Variants in TSNARE1 observed in about 807,000 individuals in gnomAD.
TSNARE1 encodes t-SNARE domain-containing protein 1.
TSNARE1 carries 49 observed loss-of-function variants against 62.0 expected under a neutral mutation model. The ratio of observed to expected loss-of-function variants is 0.79; its 90% CI spans 0.63 to 1.00. The LOEUF is 1.00. TSNARE1 is among the 50% of genes least tolerant of loss of function. The pLI is 0.00. For synonymous variants in TSNARE1, 328 were observed against 294.4 expected (o/e 1.11, Z -1.17); for missense variants, 755 against 700.1 (o/e 1.08, Z -0.88).
rs761228615 is a variant in TSNARE1, at chr8:142,229,457, T to C, written c.*11+16A>G. 7 of 1,595,110 alleles carry C rather than the reference T, an allele frequency of 4.4e-6. No homozygotes were observed. The East Asian group carries it at 6.7e-5, about 15-fold the overall frequency. On this transcript the variant is annotated intron_variant, in intron 13 of 13. Coordinates refer to ENST00000524325, the MANE Select transcript of TSNARE1 (RefSeq NM_145003.5). ...TGCAGATGAATGGATGGTGTACGGGTAGGTGGGGTACTCACCACGGGTAGC... is the reference window on the plus strand; with the variant it reads ...TGCAGATGAATGGATGGTGTACGGGCAGGTGGGGTACTCACCACGGGTAGC...
At chr8:142,302,943 G>A (rs748576445) in intron 9 of TSNARE1, among the ~76,000 whole-genome samples, 2 of 151,962 alleles carry the variant, frequency 1.3e-5, no homozygotes, top group African/African-American at 4.8e-5. Context: ...AGGATCCTCC[G>A]TCAGCACTAA....
chr8:142,314,070 C>T (rs771047825), intron 9 of TSNARE1, among the ~76,000 whole-genome samples: 14 of 152,244 alleles, frequency 9.2e-5, no homozygotes, highest in African/African-American at 1.9e-4. Context: ...TGAGCCACCG[C>T]GCCCGGCCAC....
intron 9 of TSNARE1, among the ~76,000 whole-genome samples, chr8:142,305,702 A>G (rs1826555381): frequency 6.6e-6 from 1 of 152,152 alleles, no homozygotes; most frequent in South Asian, 2.1e-4. Flanking sequence ...TTGGGTCTTG[A>G]GCTCCGAGGC....
intron 1 of TSNARE1, among the ~76,000 whole-genome samples, chr8:142,395,774 G>A (rs1427464627): frequency 6.6e-6 from 1 of 152,202 alleles, no homozygotes; most frequent in African/African-American, 2.4e-5. Flanking sequence ...CAGCGGGAAG[G>A]AGGTCAGACT....
chr8:142,240,368 CT>C (rs1227451548), intron 12 of TSNARE1, among the ~76,000 whole-genome samples: 1 of 148,296 alleles, frequency 6.7e-6, no homozygotes, highest in Admixed American at 6.7e-5. Context: ...TATAAAGCTA[CT>C]GGGAGAAATT....
intron 12 of TSNARE1, among the ~76,000 whole-genome samples, chr8:142,266,363 A>T (rs1819130779): frequency 6.6e-6 from 1 of 152,228 alleles, no homozygotes; most frequent in Non-Finnish European, 1.5e-5. Context: ...CTGGGATTCC[A>T]GTCCTTCACC....
At chr8:142,348,398 G>C (rs555238592) in intron 2 of TSNARE1, among the ~76,000 whole-genome samples, 33 of 152,268 alleles carry the variant, frequency 2.2e-4, no homozygotes, top group Admixed American at 9.8e-4. Flanking sequence ...GAACACCTCT[G>C]CCCGTGTGTC....
At chr8:142,237,855 G>T (rs1055138729) in intron 12 of TSNARE1, among the ~76,000 whole-genome samples, 2 of 152,130 alleles carry the variant, frequency 1.3e-5, no homozygotes, top group South Asian at 2.1e-4. Flanking sequence ...CACCAGCCCC[G>T]CAGGGTGGCT....
At chr8:142,331,666 A>C in intron 5 of TSNARE1, 88 bp downstream of exon 5, 2 of 1,296,106 alleles carry the variant, frequency 1.5e-6, no homozygotes, top group South Asian at 1.3e-5. Context: ...TGAGGGGGGA[A>C]GCCATCCAGC....
chr8:142,216,408 G>C (rs1483656734), intron 13 of TSNARE1, among the ~76,000 whole-genome samples: 5 of 152,198 alleles, frequency 3.3e-5, no homozygotes, highest in Non-Finnish European at 5.9e-5. Context: ...TAATCACTGG[G>C]ACTTGAGGAG....
chr8:142,280,246 C>T, intron 11 of TSNARE1: 1 of 985,350 alleles, frequency 1.0e-6, no homozygotes, highest in Non-Finnish European at 1.2e-6. Flanking sequence ...GGAGCCCGGC[C>T]CGGCACCCAG....
At chr8:142,276,347 T>C (rs1820492166) in intron 11 of TSNARE1, 2 of 985,318 alleles carry the variant, frequency 2.0e-6, no homozygotes, top group South Asian at 4.7e-5. Flanking sequence ...GGAAGGAAGA[T>C]GGGGCCAGAG....
intron 12 of TSNARE1, among the ~76,000 whole-genome samples, chr8:142,262,595 C>T (rs113331901): frequency 1.6e-4 from 25 of 152,182 alleles, no homozygotes; most frequent in African/African-American, 5.3e-4. Context: ...CGGTTTCTCA[C>T]GGTTTAATGC....
At position 142,295,906 on chromosome 8, in the gene TSNARE1, C is replaced by A. The variant is rs139557339; in HGVS notation, c.1290+4580G>T. 1.3e-5 allele frequency among the ~76,000 whole-genome samples: 2 copies of A among 149,744 alleles called. 1 individual carries two copies. The highest frequency in any genetic ancestry group is 6.9e-3 in the Middle Eastern group (2 of 290). ...GATGAGATGCTACCTGTGGGACCTG[C>A]GTCCATCCTGGGTGCCGGCAGTGAG... On this transcript the variant is annotated intron_variant, in intron 10 of 13. Coordinates refer to ENST00000524325, the MANE Select transcript of TSNARE1 (RefSeq NM_145003.5).
chr8:142,379,168 G>A (rs1012541309), intron 1 of TSNARE1, among the ~76,000 whole-genome samples: 3 of 152,216 alleles, frequency 2.0e-5, no homozygotes, highest in Non-Finnish European at 1.5e-5. Flanking sequence ...CAGCAGATGC[G>A]GCCTCAAATG....
At chr8:142,238,462 A>G (rs1817540322) in intron 12 of TSNARE1, among the ~76,000 whole-genome samples, 1 of 152,206 alleles carries the variant, frequency 6.6e-6, no homozygotes, top group South Asian at 2.1e-4. Flanking sequence ...AGGGAGACAC[A>G]TTCGACAGAC....
chr8:142,240,244 T>C (rs1383714526), intron 12 of TSNARE1, among the ~76,000 whole-genome samples: 1 of 152,260 alleles, frequency 6.6e-6, no homozygotes, highest in Non-Finnish European at 1.5e-5. Flanking sequence ...AAGCATTATG[T>C]GGCATCAGAA....
chr8:142,255,211 C>T (rs1005875405), intron 12 of TSNARE1, among the ~76,000 whole-genome samples: 1 of 151,942 alleles, frequency 6.6e-6, no homozygotes, highest in African/African-American at 2.4e-5. Flanking sequence ...TTTCTTTATC[C>T]CATTCTCCCA....
At chr8:142,327,274 A>C (rs1830404933) in intron 6 of TSNARE1, among the ~76,000 whole-genome samples, 1 of 150,752 alleles carries the variant, frequency 6.6e-6, no homozygotes, top group Admixed American at 6.6e-5. Context: ...AGTTCTGCAC[A>C]AGCTGGTGAA....
Sources: gnomAD v4.1 joint callset for allele counts (sites outside exome capture counted in the v4.1 genomes callset) on GRCh38, gnomAD v4.1.1 for gene constraint, MANE v1.5 for transcripts, NCBI Gene and HGNC (gene_info 2026-07-23, HGNC 2026-07-21) for gene names.